TNPO1: variants seen among roughly 807,000 people sequenced by gnomAD.
The protein encoded by TNPO1 is transportin 1, also known as transportin-1.
A neutral mutation model predicts 119.5 loss-of-function variants in TNPO1; 8 were observed. That is an observed-to-expected ratio of 0.07 (90% CI 0.04 to 0.12). The LOEUF (loss-of-function observed/expected upper bound fraction) is 0.12. TNPO1 is among the 10% of genes least tolerant of loss of function. The pLI is 1.00. For missense variants in TNPO1, 576 were observed against 1,089.8 expected (o/e 0.53, Z 6.64); for synonymous variants, 362 against 363.0 (o/e 1.00, Z 0.03).
At chr5:72,886,557 A>G (rs1011953300) in intron 11 of TNPO1, among the ~76,000 whole-genome samples, 1 of 152,236 alleles carries the variant, frequency 6.6e-6, no homozygotes, top group Non-Finnish European at 1.5e-5. Flanking sequence ...TGTGTTCACA[A>G]TTAATTTGCC....
chr5:72,902,907 TAAAC>T (rs1342337864), intron 22 of TNPO1, among the ~76,000 whole-genome samples: 3 of 152,166 alleles, frequency 2.0e-5, no homozygotes, highest in Admixed American at 6.5e-5. Flanking sequence ...TTTGCTTAAA[TAAAC>T]ATACACACAC....
Position 72,888,225 on chromosome 5 carries a change from C to A in TNPO1, c.1451C>A (p.Thr484Lys). The A allele has an allele frequency of 6.2e-7, 1 of 1,614,112 alleles. No homozygotes were observed. Among genetic ancestry groups the A allele is most frequent in the Non-Finnish European group, 8.5e-7 (1 of 1,180,028 alleles). ...TGGGTGGTCAGCCAGCCGCCAGACA[C>A]GTACCTGAAGCCATTAATGACAGAA... Reference protein sequence around the residue: ...AHWVVSQPPDTYLKPLMTELL... With the variant: ...AHWVVSQPPDKYLKPLMTELL... The change falls in exon 13 of 25, where the codon ACG becomes AAG. Residue 484 changes from threonine to lysine, a missense_variant. Thr to Lys is a moderately conservative substitution (Grantham distance 78). Transcript: ENST00000337273.
chr5:72,847,988 CT>C, intron 1 of TNPO1: 1 of 925,654 alleles, frequency 1.1e-6, no homozygotes, highest in Non-Finnish European at 1.3e-6. Flanking sequence ...AAGGACTTGA[CT>C]TTTTATTAGC....
Position 72,862,300 on chromosome 5 carries a change from T to C in TNPO1, c.462+386T>C, listed in dbSNP as rs1746512667. 3 of 161,706 alleles carry C rather than the reference T, an allele frequency of 1.9e-5. No individual in the cohort carries two copies. The South Asian group carries it at 5.1e-4, about 27-fold the overall frequency. The allele number at this position is 161,706 out of a possible 1,614,324, so 10.0% of individuals were successfully genotyped here. A position where few individuals can be genotyped will look rare whatever the true frequency, so the allele number is the denominator to read the frequency against. On this transcript the variant is annotated intron_variant, in intron 5 of 24. Coordinates refer to ENST00000337273, the MANE Select transcript of TNPO1 (RefSeq NM_002270.4). ...GTTTTTATGCCTCTTATATGAGATA[T>C]CTAAGGGATGCTGAACTTGTGTTTT...
At chr5:72,830,480 G>C (rs1037062450) in intron 1 of TNPO1, among the ~76,000 whole-genome samples, 1 of 152,084 alleles carries the variant, frequency 6.6e-6, no homozygotes, top group Non-Finnish European at 1.5e-5. Flanking sequence ...GAAATCTTAG[G>C]AATTTCTGAG....
intron 4 of TNPO1, among the ~76,000 whole-genome samples, chr5:72,858,576 G>T (rs1010240027): frequency 6.6e-6 from 1 of 152,150 alleles, no homozygotes; most frequent in African/African-American, 2.4e-5. Context: ...GGTGGCTCAT[G>T]CCTGTAATCC....
chr5:72,887,016 A>G (rs775960473), intron 11 of TNPO1, 54 bp from the exon 12 acceptor site: 3 of 1,454,658 alleles, frequency 2.1e-6, no homozygotes, highest in Admixed American at 2.1e-5. Flanking sequence ...ACAATAAATA[A>G]TATATAAGTA....
intron 13 of TNPO1, among the ~76,000 whole-genome samples, chr5:72,888,585 A>T (rs755774757): frequency 6.6e-6 from 1 of 152,212 alleles, no homozygotes; most frequent in Non-Finnish European, 1.5e-5. Flanking sequence ...AAATGTGACA[A>T]CATCGATCTT....
chr5:72,909,019 A>G lies in TNPO1; in HGVS notation c.*346A>G. Reference sequence around the variant, plus strand: ...GAATATTATGGGGAATTGTACCAAAACAAGAACCATATAAATGATGCCTAG... The same window carrying G: ...GAATATTATGGGGAATTGTACCAAAGCAAGAACCATATAAATGATGCCTAG... On this transcript the variant is annotated 3_prime_UTR_variant, in exon 25 of 25. Coordinates refer to ENST00000337273, the MANE Select transcript of TNPO1 (RefSeq NM_002270.4). 5.7e-6 allele frequency: 2 copies of G among 348,122 alleles called. No individual in the cohort carries two copies. Among genetic ancestry groups the G allele is most frequent in the Admixed American group, 6.8e-5 (2 of 29,214 alleles). The allele number at this position is 348,122 out of a possible 1,614,324, so 21.6% of individuals were successfully genotyped here. A position where few individuals can be genotyped will look rare whatever the true frequency, so the allele number is the denominator to read the frequency against.
chr5:72,865,544 C>A, intron 5 of TNPO1, 52 bp from the exon 6 acceptor site: 3 of 1,595,332 alleles, frequency 1.9e-6, no homozygotes, highest in Non-Finnish European at 2.6e-6. Context: ...AGTTTGTTTT[C>A]AAATGGCTTC....
At chr5:72,850,409 A>C (rs1023499453) in intron 2 of TNPO1, among the ~76,000 whole-genome samples, 3 of 152,232 alleles carry the variant, frequency 2.0e-5, no homozygotes, top group African/African-American at 7.2e-5. Flanking sequence ...ACCCATAAAC[A>C]TTGAGGGTAT....
intron 1 of TNPO1, among the ~76,000 whole-genome samples, chr5:72,817,115 G>A (rs530737620): frequency 3.3e-4 from 50 of 152,316 alleles, no homozygotes; most frequent in African/African-American, 1.1e-3. Flanking sequence ...TGCTGCAGTC[G>A]GCTGCCCCGG....
intron 1 of TNPO1, among the ~76,000 whole-genome samples, chr5:72,841,145 A>C (rs1410151764): frequency 2.8e-5 from 4 of 143,802 alleles, no homozygotes; most frequent in Non-Finnish European, 6.0e-5. Flanking sequence ...TTGGAGACCG[A>C]ATTTCCCTCT....
chr5:72,893,352 C>CA (rs756155367), intron 16 of TNPO1, 25 bp from the exon 17 acceptor site: 1 of 1,607,374 alleles, frequency 6.2e-7, no homozygotes, highest in East Asian at 2.2e-5. Context: ...ACCAAACTTA[C>CA]AAAAAACATT....
intron 15 of TNPO1, 128 bp from the exon 16 acceptor site, chr5:72,893,011 C>A (rs932564538): frequency 1.6e-6 from 1 of 626,314 alleles, no homozygotes; most frequent in Non-Finnish European, 2.8e-6. Flanking sequence ...GGGAGGGGAA[C>A]CTGCTACTGT....
chr5:72,869,440 G>A (rs1013219013), intron 6 of TNPO1, among the ~76,000 whole-genome samples: 29 of 152,084 alleles, frequency 1.9e-4, no homozygotes, highest in African/African-American at 6.8e-4. Context: ...CCAGTTACTT[G>A]GGAGGCTGAG....
chr5:72,888,284 G>A lies in TNPO1; in HGVS notation c.1510G>A (p.Val504Ile), dbSNP rs1748801595. The A allele has an allele frequency of 6.2e-7, 1 of 1,614,088 alleles. No individual in the cohort carries two copies. Among genetic ancestry groups the A allele is most frequent in the Non-Finnish European group, 8.5e-7 (1 of 1,179,978 alleles). ...GCGCATCCTGGACAGCAACAAGAGAGTACAAGAAGCTGCCTGCAGGTGGGA... is the reference window on the plus strand; with the variant it reads ...GCGCATCCTGGACAGCAACAAGAGAATACAAGAAGCTGCCTGCAGGTGGGA... ...LKRILDSNKR[V>I]QEAACSAFAT... Residue 504 changes from valine to isoleucine, a missense_variant, in exon 13 of 25, where the codon GTA becomes ATA. Physicochemically the swap from Val to Ile is conservative, Grantham distance 29. Around this residue, in one of 6 missense-constraint regions of TNPO1, gnomAD observed 310 missense variants for 583.0 expected, o/e 0.53. Coordinates refer to ENST00000337273, the MANE Select transcript of TNPO1 (RefSeq NM_002270.4).
Position 72,882,924 on chromosome 5 carries a change from C to T in TNPO1, c.982-140C>T, listed in dbSNP as rs111583501. 1.8e-3 allele frequency: 1,193 copies of T among 674,828 alleles called. 7 individuals are homozygous for T. In the African/African-American group the frequency reaches 0.019, roughly 11 times the overall value. The allele number at this position is 674,828 out of a possible 1,614,324, so 41.8% of individuals were successfully genotyped here. On this transcript the variant is annotated intron_variant, in intron 10 of 24. Transcript: ENST00000337273. ...ATAAGGAATATGTTCTGTACATGGG[C>T]GTGGTTCTTAATCACTCTGGAAGTA...
intron 20 of TNPO1, 63 bp downstream of exon 20, chr5:72,897,214 G>A (rs941767664): frequency 6.8e-6 from 8 of 1,177,576 alleles, no homozygotes; most frequent in African/African-American, 3.1e-5. Context: ...TTTAATATGC[G>A]TAGAGAAACC....
Sources: gnomAD v4.1 joint callset for allele counts (sites outside exome capture counted in the v4.1 genomes callset) on GRCh38, gnomAD v4.1.1 for gene constraint, gnomAD v4.1.1 regional missense constraint, MANE v1.5 for transcripts, NCBI Gene and HGNC (gene_info 2026-07-23, HGNC 2026-07-21) for gene names.